The following MYO3B variants were observed in gnomAD, a reference collection of about 807,000 sequenced individuals.
MYO3B encodes the protein myosin IIIB, also known as myosin-IIIb.
A neutral mutation model predicts 174.6 loss-of-function variants in MYO3B; 156 were observed. The observed-to-expected ratio is 0.89, with a 90% CI of 0.78 to 1.02. MYO3B has a LOEUF of 1.02. Ranked by LOEUF, MYO3B falls within the 50% of genes least tolerant of loss-of-function variation. The probability of loss-of-function intolerance (pLI) is 0.00; values close to 1 mark genes in which losing one functional copy is unlikely to be tolerated. For synonymous variants in MYO3B, 563 were observed against 569.1 expected (o/e 0.99, Z 0.15); for missense variants, 1,632 against 1,639.4 (o/e 1.00, Z 0.08).
At chr2:170,532,302 G>A (rs569104303) in intron 30 of MYO3B, among the ~76,000 whole-genome samples, 1 of 152,212 alleles carries the variant, frequency 6.6e-6, no homozygotes, top group East Asian at 1.9e-4. Context: ...CAGATGAAAG[G>A]GAACTAAAAG....
At chr2:170,484,450 C>T (rs1038678179) in intron 25 of MYO3B, among the ~76,000 whole-genome samples, 2 of 152,136 alleles carry the variant, frequency 1.3e-5, no homozygotes, top group African/African-American at 2.4e-5. Context: ...GCTTTTATTA[C>T]AAATTAATTT....
intron 7 of MYO3B, among the ~76,000 whole-genome samples, chr2:170,325,887 T>C (rs1264403879): frequency 2.0e-5 from 3 of 152,180 alleles, no homozygotes; most frequent in African/African-American, 7.2e-5. Flanking sequence ...CTATCTATAA[T>C]AAAGGTATTA....
chr2:170,403,372 C>G (rs527538499), intron 19 of MYO3B, among the ~76,000 whole-genome samples: 112 of 152,268 alleles, frequency 7.4e-4, no homozygotes, highest in Admixed American at 1.5e-3. Context: ...ACTAGCCCTC[C>G]CTATCCCCTA....
At chr2:170,606,522 G>C (rs963550260) in intron 32 of MYO3B, among the ~76,000 whole-genome samples, 1 of 152,104 alleles carries the variant, frequency 6.6e-6, no homozygotes, top group South Asian at 2.1e-4. Context: ...TTCCTAGCCT[G>C]CAATTATTGT....
rs768974458 is a variant in MYO3B at position 170,580,718 on chromosome 2, A to ATATATATATG, written c.3733+36731_3733+36732insATATATATGT. On this transcript the variant is annotated intron_variant, in intron 32 of 34. Coordinates refer to ENST00000408978, the MANE Select transcript of MYO3B (RefSeq NM_138995.5). ...CTTCAGGTCCCACAAAACCTTATATATGTGTGTGTGTGTGTGTGTGTGTGT... is the reference window on the plus strand; with the variant it reads ...CTTCAGGTCCCACAAAACCTTATATATATATATATGTGTGTGTGTGTGTGTGTGTGTGTGT... Among the ~76,000 whole-genome samples, 1,019 of 142,752 alleles carry ATATATATATG rather than the reference A, an allele frequency of 7.1e-3. 9 individuals are homozygous for ATATATATATG. Among genetic ancestry groups the ATATATATATG allele is most frequent in the African/African-American group, 0.023 (878 of 38,240 alleles). 93.7% of individuals were successfully genotyped at this position (142,752 alleles called of 152,430 possible). A position where few individuals can be genotyped will look rare whatever the true frequency, so the allele number is the denominator to read the frequency against.
rs1417708141 is a variant in MYO3B, at chr2:170,440,615, TG to T, written c.2651-3350del. 4.8e-4 allele frequency among the ~76,000 whole-genome samples: 73 copies of T among 151,926 alleles called. 1 individual carries two copies. Among genetic ancestry groups the T allele is most frequent in the Non-Finnish European group, 2.9e-5 (2 of 67,936 alleles). ...AAAATGCAACTGAATTAGCTGGGATTGGTGGCGCGTGCCTCTAATCCCAGCT... is the reference window on the plus strand; with the variant it reads ...AAAATGCAACTGAATTAGCTGGGATTGTGGCGCGTGCCTCTAATCCCAGCT... On this transcript the variant is annotated intron_variant, in intron 22 of 34. Transcript: ENST00000408978.
rs770085841 is a variant in MYO3B at position 170,236,119 on chromosome 2, ACT to A, written c.735_736del (p.Phe246Ter). The A allele has an allele frequency of 1.2e-6, 2 of 1,614,034 alleles. No individual in the cohort carries two copies. The highest frequency in any genetic ancestry group is 1.1e-5 in the South Asian group (1 of 91,078). ...TCTTTGACATGCATCCTGTGAAAAC[ACT>A]CTTTAAGATTCCAAGGTAAGACACA... ...PLFDMHPVKT[L>X]FKIPRNPPPT... On this transcript the variant is annotated frameshift_variant, in exon 7 of 35. Coordinates refer to ENST00000408978, the MANE Select transcript of MYO3B (RefSeq NM_138995.5). LOFTEE classifies it high-confidence loss of function.
At chr2:170,467,744 TGA>T (rs1684732420) in intron 25 of MYO3B, among the ~76,000 whole-genome samples, 1 of 149,826 alleles carries the variant, frequency 6.7e-6, no homozygotes. Flanking sequence ...CAGGAGAGGA[TGA>T]GTCATAAATA....
At chr2:170,510,061 C>T (rs1407966896) in intron 28 of MYO3B, among the ~76,000 whole-genome samples, 1 of 152,146 alleles carries the variant, frequency 6.6e-6, no homozygotes, top group African/African-American at 2.4e-5. Context: ...CCATTCTCGT[C>T]AATAAAGTTG....
rs747088539 is a variant in MYO3B at position 170,343,430 on chromosome 2, T to TA, written c.815+7993dup. The stretch of plus-strand genomic sequence containing the variant: ...CCTGAATGATGAAGAGAGACCTTGT[T>TA]AAAAAAAAAAAAATCGACTCAGGCT... On this transcript the variant is annotated intron_variant, in intron 8 of 34. Coordinates refer to ENST00000408978, the MANE Select transcript of MYO3B (RefSeq NM_138995.5). The TA allele has an allele frequency of 5.4e-3, 765 of 142,688 alleles. 8 individuals are homozygous for TA. Among genetic ancestry groups the TA allele is most frequent in the Middle Eastern group, 0.018 (5 of 276 alleles). 8.8% of individuals were successfully genotyped at this position (142,688 alleles called of 1,614,324 possible).
chr2:170,284,186 A>T (rs1549345), intron 7 of MYO3B, among the ~76,000 whole-genome samples: 6 of 152,050 alleles, frequency 3.9e-5, no homozygotes, highest in African/African-American at 1.5e-4. Flanking sequence ...AAATGCCTCT[A>T]ATTATGGGAC....
intron 25 of MYO3B, among the ~76,000 whole-genome samples, chr2:170,475,556 A>G (rs1685262541): frequency 6.6e-6 from 1 of 152,080 alleles, no homozygotes; most frequent in African/African-American, 2.4e-5. Flanking sequence ...CGTCCAGCTT[A>G]TTCTCTCCTT....
intron 25 of MYO3B, among the ~76,000 whole-genome samples, chr2:170,486,093 A>G (rs10182188): frequency 0.035 from 5,254 of 152,144 alleles, 296 homozygotes; most frequent in African/African-American, 0.12. Context: ...CACTACACTG[A>G]CAGCCACTGT....
At chr2:170,481,955 C>T (rs369484363) in intron 25 of MYO3B, among the ~76,000 whole-genome samples, 204 of 152,180 alleles carry the variant, frequency 1.3e-3, no homozygotes, top group South Asian at 0.011. Context: ...CCTTACATTA[C>T]GAATGTTATA....
chr2:170,653,162 T>C lies in MYO3B; in HGVS notation c.*41T>C. On this transcript the variant is annotated 3_prime_UTR_variant, in exon 35 of 35. Transcript: ENST00000408978. ...CCTAAATCTGTCCAGAGTAGGAACA[T>C]TCATGGTAATCGACTGTCTGTCATT... The C allele has an allele frequency of 6.2e-7, 1 of 1,611,594 alleles. No individual in the cohort carries two copies. The highest frequency in any genetic ancestry group is 8.5e-7 in the Non-Finnish European group (1 of 1,178,018).
At chr2:170,378,297 T>C (rs1377228387) in intron 9 of MYO3B, among the ~76,000 whole-genome samples, 1 of 152,194 alleles carries the variant, frequency 6.6e-6, no homozygotes, top group Admixed American at 6.5e-5. Flanking sequence ...AGAACACTAG[T>C]TGTGGAAGGC....
intron 22 of MYO3B, among the ~76,000 whole-genome samples, chr2:170,412,689 G>A (rs1009613240): frequency 3.9e-5 from 6 of 152,212 alleles, no homozygotes; most frequent in African/African-American, 4.8e-5. Flanking sequence ...TCTTAAGAGA[G>A]CGCCTTTTGG....
chr2:170,505,672 C>T (rs769336992), intron 28 of MYO3B, among the ~76,000 whole-genome samples: 1 of 152,206 alleles, frequency 6.6e-6, no homozygotes, highest in Non-Finnish European at 1.5e-5. Context: ...TTCTAAAGCT[C>T]TGGCTTTAAA....
At chr2:170,345,355 A>C (rs2094008145) in intron 8 of MYO3B, 1 of 152,120 alleles carries the variant, frequency 6.6e-6, no homozygotes, top group African/African-American at 2.4e-5. Context: ...TGTTGGTCTT[A>C]TGTGCTTTTG....
Sources: allele counts gnomAD v4.1 joint callset (sites outside exome capture counted in the v4.1 genomes callset), GRCh38; gene constraint gnomAD v4.1.1; transcripts MANE v1.5; gene names NCBI Gene and HGNC (gene_info 2026-07-23, HGNC 2026-07-21).